Variants in ARHGEF33 observed in about 807,000 individuals in gnomAD.
ARHGEF33 encodes DH and coiled-coil domain-containing protein ENSP00000381780.
ARHGEF33 carries 72 observed loss-of-function variants against 101.9 expected under a neutral mutation model. The ratio of observed to expected loss-of-function variants is 0.71; its 90% CI spans 0.58 to 0.86. ARHGEF33 has a LOEUF of 0.86. Ranked by LOEUF, ARHGEF33 falls within the 40% of genes least tolerant of loss-of-function variation. The pLI is 0.00. For synonymous variants in ARHGEF33, 499 were observed against 442.5 expected (o/e 1.13, Z -1.60); for missense variants, 1,169 against 1,111.3 (o/e 1.05, Z -0.74).
chr2:38,890,968 G>GTTT (rs11380408), intron 1 of ARHGEF33, among the ~76,000 whole-genome samples: 12 of 145,018 alleles, frequency 8.3e-5, no homozygotes, highest in Non-Finnish European at 1.1e-4. Flanking sequence ...CATACTATTG[G>GTTT]TTTTTTTTTT....
At chr2:38,953,597 C>T (rs540660410) in intron 12 of ARHGEF33, among the ~76,000 whole-genome samples, 1 of 152,172 alleles carries the variant, frequency 6.6e-6, no homozygotes, top group East Asian at 1.9e-4. Flanking sequence ...TATTAAACTT[C>T]AGTCATCCTT....
intron 15 of ARHGEF33, among the ~76,000 whole-genome samples, chr2:38,958,611 A>G (rs541541959): frequency 6.6e-6 from 1 of 152,354 alleles, no homozygotes; most frequent in South Asian, 2.1e-4. Flanking sequence ...AATGAGGTCA[A>G]TATTTTGTTT....
chr2:38,910,760 C>G (rs1424522914), intron 2 of ARHGEF33, among the ~76,000 whole-genome samples: 1 of 152,176 alleles, frequency 6.6e-6, no homozygotes, highest in East Asian at 1.9e-4. Flanking sequence ...TTCCTTGTAT[C>G]AGTCCATTCA....
intron 9 of ARHGEF33, among the ~76,000 whole-genome samples, chr2:38,938,944 A>C (rs1197888670): frequency 1.3e-5 from 2 of 152,170 alleles, no homozygotes; most frequent in Non-Finnish European, 2.9e-5. Flanking sequence ...GAATGAATTT[A>C]TCACATTTTT....
intron 10 of ARHGEF33, among the ~76,000 whole-genome samples, chr2:38,944,457 C>T (rs1311284804): frequency 2.6e-5 from 4 of 152,152 alleles, no homozygotes; most frequent in South Asian, 2.1e-4. Flanking sequence ...GCTCTCACAA[C>T]CTAAACACCC....
At position 38,960,197 on chromosome 2, in the gene ARHGEF33, A is replaced by G; in HGVS notation, c.1892A>G (p.Glu631Gly). 6.5e-7 allele frequency: 1 copy of G among 1,544,854 alleles called. No individual in the cohort carries two copies. Among genetic ancestry groups the G allele is most frequent in the Non-Finnish European group, 8.7e-7 (1 of 1,144,428 alleles). Residue 631 changes from glutamate (E) to glycine (G), a missense_variant, in exon 16 of 18, where the codon GAG becomes GGG. Physicochemically the swap from Glu to Gly is moderately conservative, Grantham distance 98. Coordinates refer to ENST00000409978, the MANE Select transcript of ARHGEF33 (RefSeq NM_001145451.5). ...EIFALPAPYD[E>G]EPFQAPALFE... ...TTCGCGCTGCCCGCGCCCTACGACG[A>G]GGAGCCGTTCCAGGCTCCGGCCCTC...
intron 2 of ARHGEF33, among the ~76,000 whole-genome samples, chr2:38,905,393 T>C (rs1260756802): frequency 2.6e-5 from 4 of 152,286 alleles, no homozygotes; most frequent in Admixed American, 6.5e-5. Context: ...AGGGAGGCCA[T>C]TGGTTGTGAT....
chr2:38,961,047 GTCCCGGGCCAGTGTGTT>G (rs1667924323), intron 16 of ARHGEF33, among the ~76,000 whole-genome samples: 1 of 152,176 alleles, frequency 6.6e-6, no homozygotes, highest in Non-Finnish European at 1.5e-5. Context: ...CCGCACGCAG[GTCCCGGGCCAGTGTGTT>G]TCTTCTGTCT....
chr2:38,927,430 T>A (rs1320828205), intron 4 of ARHGEF33, among the ~76,000 whole-genome samples: 1 of 152,262 alleles, frequency 6.6e-6, no homozygotes, highest in Non-Finnish European at 1.5e-5. Context: ...GCACAGTGGC[T>A]CACGCCTGTA....
At chr2:38,929,243 A>T (rs546132721) in intron 5 of ARHGEF33, among the ~76,000 whole-genome samples, 172 bp downstream of exon 5, 1 of 152,248 alleles carries the variant, frequency 6.6e-6, no homozygotes, top group Non-Finnish European at 1.5e-5. Flanking sequence ...ACCCTGGCCA[A>T]TATGGTGAAA....
intron 7 of ARHGEF33, 87 bp from the exon 8 acceptor site, chr2:38,935,688 A>T: frequency 9.6e-7 from 1 of 1,036,452 alleles, no homozygotes; most frequent in Non-Finnish European, 1.4e-6. Flanking sequence ...ACAATCTCTG[A>T]GTCTGCCCCC....
chr2:38,966,212 A>ACAATAATAAGTAT, intron 17 of ARHGEF33, 67 bp downstream of exon 17: 1 of 1,514,768 alleles, frequency 6.6e-7, no homozygotes, highest in South Asian at 1.3e-5. Flanking sequence ...TGAGGTTTTA[A>ACAATAATAAGTAT]CAATAATAAG....
intron 2 of ARHGEF33, among the ~76,000 whole-genome samples, chr2:38,901,753 T>C (rs547198227): frequency 1.4e-4 from 22 of 152,332 alleles, no homozygotes; most frequent in African/African-American, 5.3e-4. Context: ...ATTTAAATCA[T>C]GGACTTGGGA....
chr2:38,904,827 G>A (rs74862679), intron 2 of ARHGEF33, among the ~76,000 whole-genome samples: 331 of 152,298 alleles, frequency 2.2e-3, no homozygotes, highest in African/African-American at 7.7e-3. Context: ...GCAGTGAAGA[G>A]GATGGATGAA....
Position 38,960,490 on chromosome 2 carries a change from C to T in ARHGEF33, c.2185C>T (p.Arg729Cys), listed in dbSNP as rs762415013. 1 of 1,395,288 alleles carries T rather than the reference C, an allele frequency of 7.2e-7. No individual in the cohort carries two copies. The highest frequency in any genetic ancestry group is 1.6e-5 in the South Asian group (1 of 64,500). The allele number at this position is 1,395,288 out of a possible 1,614,324, so 86.4% of individuals were successfully genotyped here. The change falls in exon 16 of 18, where the codon CGC (arginine) becomes TGC (cysteine). Residue 729 changes from arginine to cysteine, a missense_variant. By Grantham distance (180) the Arg-to-Cys change is radical. Transcript: ENST00000409978. Reference sequence around the variant, plus strand: ...CGTGGCCCCACGCCTCTACAGCACGCGCAGCAGCAGCGGCGGCCGCGCGCC... The same window carrying T: ...CGTGGCCCCACGCCTCTACAGCACGTGCAGCAGCAGCGGCGGCCGCGCGCC... ...DGVAPRLYSTRSSSGGRAPIK... is the reference protein window; with the variant it reads ...DGVAPRLYSTCSSSGGRAPIK...
At chr2:38,922,305 T>G (rs1451856835) in intron 4 of ARHGEF33, among the ~76,000 whole-genome samples, 1 of 152,078 alleles carries the variant, frequency 6.6e-6, no homozygotes, top group Non-Finnish European at 1.5e-5. Context: ...TCAAAGTTGA[T>G]CTAAGGTTTT....
Position 38,929,046 on chromosome 2 carries a change from T to C in ARHGEF33, c.215T>C (p.Met72Thr), listed in dbSNP as rs1666934767. The change falls in exon 5 of 18, where the codon ATG becomes ACG. Residue 72 changes from methionine (M) to threonine (T), a missense_variant. Transcript: ENST00000409978. ...TCCATGGAAGAAAAAGTTACTGAGA[T>C]GAAGAATTCATTAAACTATTTCAAG... is the stretch of plus-strand genomic sequence containing the variant. Reference protein sequence around the residue: ...RCSMEEKVTEMKNSLNYFKEE... With the variant: ...RCSMEEKVTETKNSLNYFKEE... The C allele has an allele frequency of 6.4e-7, 1 of 1,550,490 alleles. No individual in the cohort carries two copies. Among genetic ancestry groups the C allele is most frequent in the African/African-American group, 1.4e-5 (1 of 72,992 alleles).
At chr2:38,899,854 TA>T (rs1174560352) in intron 2 of ARHGEF33, among the ~76,000 whole-genome samples, 5 of 151,642 alleles carry the variant, frequency 3.3e-5, no homozygotes, top group South Asian at 4.2e-4. Context: ...AAAAAGAAAT[TA>T]AAAAAAGAAT....
At chr2:38,958,591 A>G (rs756780892) in intron 15 of ARHGEF33, among the ~76,000 whole-genome samples, 1 of 152,270 alleles carries the variant, frequency 6.6e-6, no homozygotes, top group Non-Finnish European at 1.5e-5. Context: ...CCAAGTTAAA[A>G]GAGAATTCAA....
Sources: gnomAD v4.1 joint callset for allele counts (sites outside exome capture counted in the v4.1 genomes callset) on GRCh38, gnomAD v4.1.1 for gene constraint, MANE v1.5 for transcripts, NCBI Gene and HGNC (gene_info 2026-07-23, HGNC 2026-07-21) for gene names.